MYLK: variants seen among roughly 807,000 people sequenced by gnomAD.
The protein encoded by MYLK is myosin light chain kinase, smooth muscle.
In MYLK, 106 loss-of-function variants were observed where a neutral mutation model predicts 203.4. That is an observed-to-expected ratio of 0.52 (90% CI 0.45 to 0.61). The LOEUF (loss-of-function observed/expected upper bound fraction) is 0.61, where lower values mean the gene tolerates loss of function less well. Among genes scored for constraint, MYLK ranks in the 20% least tolerant of loss-of-function variants. MYLK has a pLI of 0.00. For synonymous variants in MYLK, 867 were observed against 959.5 expected (o/e 0.90, Z 1.78); for missense variants, 2,072 against 2,442.3 (o/e 0.85, Z 3.20).
chr3:123,689,074 T>TC (rs1174393087), intron 19 of MYLK, among the ~76,000 whole-genome samples: 4 of 152,076 alleles, frequency 2.6e-5, no homozygotes, highest in Non-Finnish European at 5.9e-5. Context: ...AATGACTGAG[T>TC]GATGGCATGA....
rs551314739 is a variant in MYLK at position 123,699,717 on chromosome 3, G to A, written c.3448+303C>T. Among the ~76,000 whole-genome samples, 26 of 152,320 alleles carry A rather than the reference G, an allele frequency of 1.7e-4. No homozygotes were observed. In the East Asian group the frequency reaches 2.1e-3, roughly 12 times the overall value. Reference sequence around the variant, plus strand: ...TCTCCTCTGGGGAGCCACAGGTGGCGGTGCCATGAGAGGGCTCTGCCAGAT... The same window carrying A: ...TCTCCTCTGGGGAGCCACAGGTGGCAGTGCCATGAGAGGGCTCTGCCAGAT... On this transcript the variant is annotated intron_variant, in intron 18 of 33. Transcript: ENST00000360304.
intron 19 of MYLK, among the ~76,000 whole-genome samples, chr3:123,684,334 A>AG (rs1560068402): frequency 6.6e-6 from 1 of 152,184 alleles, no homozygotes; most frequent in Non-Finnish European, 1.5e-5. Context: ...GGGAGTGCGC[A>AG]GGGAGTGGCT....
chr3:123,638,284 A>T (rs1013196901), intron 28 of MYLK, 90 bp from the exon 29 acceptor site: 2 of 1,575,170 alleles, frequency 1.3e-6, no homozygotes, highest in Non-Finnish European at 8.7e-7. Context: ...GTTGACCCCA[A>T]CCTGGGAGGG....
intron 31 of MYLK, chr3:123,621,067 G>A (rs892615518): frequency 1.3e-5 from 2 of 152,182 alleles, no homozygotes; most frequent in Non-Finnish European, 2.9e-5. Flanking sequence ...GAAATAAAAG[G>A]CAACGGCACT....
chr3:123,666,364 GA>G lies in MYLK; in HGVS notation c.3704-19del, dbSNP rs761178197. 6.2e-7 allele frequency: 1 copy of G among 1,614,154 alleles called. No individual in the cohort carries two copies. Among genetic ancestry groups the G allele is most frequent in the South Asian group, 1.1e-5 (1 of 91,074 alleles). On this transcript the variant is annotated intron_variant, in intron 21 of 33. Coordinates refer to ENST00000360304, the MANE Select transcript of MYLK (RefSeq NM_053025.4). ...GGGCATTGCTGAGGGAGGACAGGGA[GA>G]AAGTGAGCGAGGCAGAAGGGTCTCA...
At chr3:123,752,281 G>A (rs750471520) in intron 5 of MYLK, 50 bp downstream of exon 5, 2 of 1,587,546 alleles carry the variant, frequency 1.3e-6, no homozygotes, top group African/African-American at 2.7e-5. Context: ...CAGGCCTTGG[G>A]GTAACTGAGA....
intron 5 of MYLK, among the ~76,000 whole-genome samples, chr3:123,745,718 C>T (rs1406994020): frequency 6.6e-6 from 1 of 152,180 alleles, no homozygotes; most frequent in East Asian, 1.9e-4. Context: ...CCTATCATGG[C>T]TCAGGCCCTG....
At chr3:123,682,530 G>T (rs1013850864) in intron 19 of MYLK, among the ~76,000 whole-genome samples, 1 of 152,222 alleles carries the variant, frequency 6.6e-6, no homozygotes. Context: ...TTAATCCAGT[G>T]GGGACAGCAC....
chr3:123,836,939 T>C (rs1407210248), intron 2 of MYLK, among the ~76,000 whole-genome samples: 1 of 152,228 alleles, frequency 6.6e-6, no homozygotes, highest in African/African-American at 2.4e-5. Context: ...TTAAGAACAC[T>C]TCCTACTTAA....
At chr3:123,714,326 T>C (rs1576699499) in intron 13 of MYLK, among the ~76,000 whole-genome samples, 1 of 152,254 alleles carries the variant, frequency 6.6e-6, no homozygotes, top group South Asian at 2.1e-4. Context: ...CAGAGGCAGG[T>C]CTCAATTCTG....
At chr3:123,870,188 C>T (rs1292438118) in intron 2 of MYLK, among the ~76,000 whole-genome samples, 1 of 152,194 alleles carries the variant, frequency 6.6e-6, no homozygotes, top group Non-Finnish European at 1.5e-5. Flanking sequence ...CCAACCACAT[C>T]CCCCAGAAAA....
In MYLK at chr3:123,764,512, G is replaced by C. The variant is rs145212905; in HGVS notation, c.166-11974C>G. On this transcript the variant is annotated intron_variant, in intron 4 of 33. Transcript: ENST00000360304. ...AACGAAGTCTGTCTACCAGCATTTAGTACACTGAGTGAGGGAAGACCATCG... is the reference window on the plus strand; with the variant it reads ...AACGAAGTCTGTCTACCAGCATTTACTACACTGAGTGAGGGAAGACCATCG... 1.0e-3 allele frequency among the ~76,000 whole-genome samples: 158 copies of C among 152,330 alleles called. 1 individual carries two copies. Among genetic ancestry groups the C allele is most frequent in the African/African-American group, 3.2e-3 (135 of 41,566 alleles).
intron 4 of MYLK, among the ~76,000 whole-genome samples, chr3:123,781,285 GGGA>G (rs1216007958): frequency 6.6e-6 from 1 of 152,210 alleles, no homozygotes; most frequent in Non-Finnish European, 1.5e-5. Context: ...AAGGGACTGA[GGGA>G]GGAGCTCTGG....
In MYLK at chr3:123,722,164, C is replaced by G; in HGVS notation, c.1768G>C (p.Gly590Arg). 6.4e-7 allele frequency: 1 copy of G among 1,565,038 alleles called. No homozygotes were observed. Residue 590 changes from glycine to arginine, a missense_variant, in exon 13 of 34, where the codon GGG (glycine) becomes CGG (arginine). By Grantham distance (125) the Gly-to-Arg change is moderately radical. This residue lies in a region of MYLK where 865 missense variants were observed against 1,016.0 expected (regional missense o/e 0.85). Transcript: ENST00000360304. ...TYTCLAENAL[G>R]QVSCSAWVTV... ...ACCCAGGCGCTGCAGGACACCTGCC[C>G]CAAGGCATTCTCAGCTAGGCAGGTG...
At chr3:123,659,743 G>A (rs1576460622) in intron 23 of MYLK, 2 of 514,080 alleles carry the variant, frequency 3.9e-6, no homozygotes, top group Non-Finnish European at 7.8e-6. Flanking sequence ...TGTCCTCCAC[G>A]GCGACACACT....
At position 123,637,955 on chromosome 3, in the gene MYLK, G is replaced by A. The variant is rs1040960090; in HGVS notation, c.4961+116C>T. 1.3e-5 allele frequency: 19 copies of A among 1,484,068 alleles called. No homozygotes were observed. In the South Asian group the frequency reaches 1.3e-4, roughly 10 times the overall value. 91.9% of individuals were successfully genotyped at this position (1,484,068 alleles called of 1,614,324 possible). On this transcript the variant is annotated intron_variant, in intron 29 of 33. Transcript: ENST00000360304. ...CCTGCCACCCTCCTGACTCTGGGGG[G>A]GGCTCCCCATCATGACAATGGCAGG...
At chr3:123,746,242 C>A (rs1216691803) in intron 5 of MYLK, among the ~76,000 whole-genome samples, 2 of 152,116 alleles carry the variant, frequency 1.3e-5, no homozygotes, top group African/African-American at 2.4e-5. Flanking sequence ...CACAGCTTCT[C>A]AGGAGGCTGA....
chr3:123,684,549 G>GC (rs201330833), intron 19 of MYLK, among the ~76,000 whole-genome samples: 19 of 150,332 alleles, frequency 1.3e-4, no homozygotes, highest in Admixed American at 6.0e-4. Flanking sequence ...GTTTTGTTTG[G>GC]CCCCTTTTTT....
intron 20 of MYLK, among the ~76,000 whole-genome samples, chr3:123,678,473 G>C (rs2060148636): frequency 6.6e-6 from 1 of 152,010 alleles, no homozygotes; most frequent in Non-Finnish European, 1.5e-5. Flanking sequence ...TTGGGTTGGG[G>C]TGGATGCCCT....
Sources: allele counts gnomAD v4.1 joint callset (sites outside exome capture counted in the v4.1 genomes callset), GRCh38; gene constraint gnomAD v4.1.1; regional missense constraint gnomAD v4.1.1; transcripts MANE v1.5; gene names NCBI Gene and HGNC (gene_info 2026-07-23, HGNC 2026-07-21).